Variants in CHD6 observed in about 807,000 individuals in gnomAD.
The protein encoded by CHD6 is ATP-dependent chromatin remodeler CHD6.
A neutral mutation model predicts 276.9 loss-of-function variants in CHD6; 50 were observed. That is an observed-to-expected ratio of 0.18 (90% CI 0.14 to 0.23). The LOEUF (loss-of-function observed/expected upper bound fraction) is 0.23. Ranked by LOEUF, CHD6 falls within the 10% of genes least tolerant of loss-of-function variation. The pLI is 1.00. For synonymous variants in CHD6, 1,173 were observed against 1,229.3 expected (o/e 0.95, Z 0.96); for missense variants, 2,564 against 3,365.8 (o/e 0.76, Z 5.89).
intron 24 of CHD6, 88 bp downstream of exon 24, chr20:41,447,794 T>C (rs1466467037): frequency 1.1e-6 from 1 of 902,840 alleles, no homozygotes; most frequent in African/African-American, 1.7e-5. Flanking sequence ...ATGGGCCTCT[T>C]TAAGCACAGG....
At chr20:41,483,100 T>C (rs781457692) in intron 16 of CHD6, among the ~76,000 whole-genome samples, 3 of 152,190 alleles carry the variant, frequency 2.0e-5, no homozygotes, top group African/African-American at 7.2e-5. Context: ...CTGTACATCA[T>C]AGGTCATGAA....
intron 1 of CHD6, among the ~76,000 whole-genome samples, chr20:41,554,032 C>T (rs1049277494): frequency 6.6e-6 from 1 of 152,060 alleles, no homozygotes; most frequent in Non-Finnish European, 1.5e-5. Flanking sequence ...CACCTATGGT[C>T]CCAGCTACTT....
chr20:41,422,175 C>T, intron 30 of CHD6, 96 bp from the exon 31 acceptor site: 1 of 1,293,770 alleles, frequency 7.7e-7, no homozygotes, highest in Non-Finnish European at 1.1e-6. Flanking sequence ...GAGTTTAGCT[C>T]CCTGGCTCCT....
intron 1 of CHD6, among the ~76,000 whole-genome samples, chr20:41,577,305 T>C (rs1456626068): frequency 1.3e-5 from 2 of 152,228 alleles, no homozygotes; most frequent in South Asian, 2.1e-4. Flanking sequence ...CCTGAAAATA[T>C]ATAGCTAAGA....
intron 3 of CHD6, 22 bp from the exon 4 acceptor site, chr20:41,514,974 TA>T (rs778265785): frequency 6.2e-7 from 1 of 1,612,810 alleles, no homozygotes; most frequent in Non-Finnish European, 8.5e-7. Context: ...AATTCAGAAT[TA>T]AAACTGTTGG....
chr20:41,558,174 C>G (rs972189413), intron 1 of CHD6, among the ~76,000 whole-genome samples: 2 of 152,192 alleles, frequency 1.3e-5, no homozygotes, highest in Non-Finnish European at 2.9e-5. Context: ...TCCACGCCCA[C>G]AAACTGGACA....
chr20:41,573,190 T>C (rs1472055033), intron 1 of CHD6, among the ~76,000 whole-genome samples: 1 of 152,174 alleles, frequency 6.6e-6, no homozygotes, highest in Admixed American at 6.5e-5. Context: ...ATTACAGACA[T>C]GAGCCACTGC....
chr20:41,598,169 A>G (rs2045738053), intron 1 of CHD6, among the ~76,000 whole-genome samples: 1 of 152,174 alleles, frequency 6.6e-6, no homozygotes, highest in South Asian at 2.1e-4. Context: ...TCAATTTCCC[A>G]AAATTCCTCC....
intron 9 of CHD6, 84 bp downstream of exon 9, chr20:41,493,774 T>TACC: frequency 2.6e-6 from 4 of 1,556,890 alleles, no homozygotes. Context: ...TAGACAGGAA[T>TACC]ACCACTAAGA....
At chr20:41,432,322 G>T (rs1383760821) in intron 27 of CHD6, among the ~76,000 whole-genome samples, 2 of 152,102 alleles carry the variant, frequency 1.3e-5, no homozygotes, top group African/African-American at 4.8e-5. Flanking sequence ...TCTACCCATG[G>T]CAACAACGGC....
At chr20:41,430,387 G>A (rs1223779595) in intron 27 of CHD6, among the ~76,000 whole-genome samples, 1 of 152,208 alleles carries the variant, frequency 6.6e-6, no homozygotes, top group Non-Finnish European at 1.5e-5. Flanking sequence ...TGGCCCTCCA[G>A]TGTCCTCCTA....
intron 3 of CHD6, among the ~76,000 whole-genome samples, chr20:41,519,221 T>G (rs1211028583): frequency 6.6e-6 from 1 of 152,198 alleles, no homozygotes; most frequent in East Asian, 1.9e-4. Flanking sequence ...AGGCAGAGGT[T>G]GCAGTGAGCA....
rs143592925 is a variant in CHD6, at chr20:41,430,555, C to T, written c.4069-4402G>A. Among the ~76,000 whole-genome samples, 122 of 152,200 alleles carry T rather than the reference C, an allele frequency of 8.0e-4. 2 individuals are homozygous for T. The highest frequency in any genetic ancestry group is 6.0e-3 in the Admixed American group (91 of 15,274). On this transcript the variant is annotated intron_variant, in intron 27 of 36. Coordinates refer to ENST00000373233, the MANE Select transcript of CHD6 (RefSeq NM_032221.5). The stretch of plus-strand genomic sequence containing the variant: ...AATACTTGACTACAACAAAGAATAC[C>T]GGAATATCTAGAGAATTACAAGTCT...
intron 33 of CHD6, 56 bp downstream of exon 33, chr20:41,416,532 C>T (rs1026369407): frequency 1.7e-5 from 26 of 1,490,248 alleles, no homozygotes; most frequent in African/African-American, 2.8e-5. Context: ...TCAACAGAGA[C>T]GTGGAACACG....
At chr20:41,427,919 G>C (rs1600834399) in intron 27 of CHD6, among the ~76,000 whole-genome samples, 2 of 152,164 alleles carry the variant, frequency 1.3e-5, no homozygotes, top group African/African-American at 4.8e-5. Context: ...AAATGTATAA[G>C]TGTAGTACTT....
At position 41,591,396 on chromosome 20, in the gene CHD6, ACACAC is replaced by A. The variant is rs1176479320; in HGVS notation, c.-24+26939_-24+26943del. On this transcript the variant is annotated intron_variant, in intron 1 of 36. Coordinates refer to ENST00000373233, the MANE Select transcript of CHD6 (RefSeq NM_032221.5). ...TATATATATACACACACACACACAC[ACACAC>A]ACACACATATATATATACATATATA... Among the ~76,000 whole-genome samples, 11 of 151,614 alleles carry A rather than the reference ACACAC, an allele frequency of 7.3e-5. No homozygotes were observed. The East Asian group carries it at 2.1e-3, about 29-fold the overall frequency.
intron 28 of CHD6, among the ~76,000 whole-genome samples, 198 bp from the exon 29 acceptor site, chr20:41,425,592 A>G (rs2047336437): frequency 1.3e-5 from 2 of 152,220 alleles, no homozygotes; most frequent in African/African-American, 4.8e-5. Context: ...TGTTGTGGTC[A>G]ATTAATTCTG....
intron 20 of CHD6, among the ~76,000 whole-genome samples, chr20:41,454,157 CT>C (rs1156717632): frequency 6.6e-6 from 1 of 152,232 alleles, no homozygotes; most frequent in East Asian, 1.9e-4. Flanking sequence ...CGAAGGCATA[CT>C]CTGGTTTCAC....
At chr20:41,607,002 A>G (rs1266607097) in intron 1 of CHD6, among the ~76,000 whole-genome samples, 6 of 152,152 alleles carry the variant, frequency 3.9e-5, no homozygotes, top group African/African-American at 9.7e-5. Flanking sequence ...CTCACAGCCA[A>G]CACAAACCCA....
Sources: allele counts gnomAD v4.1 joint callset (sites outside exome capture counted in the v4.1 genomes callset), GRCh38; gene constraint gnomAD v4.1.1; transcripts MANE v1.5; gene names NCBI Gene and HGNC (gene_info 2026-07-23, HGNC 2026-07-21).